Variants in ZDBF2 observed in about 807,000 individuals in gnomAD.
The protein encoded by ZDBF2 is zinc finger DBF-type containing 2.
In ZDBF2, 6 loss-of-function variants were observed where a neutral mutation model predicts 9.4. The observed-to-expected ratio is 0.64, with a 90% CI of 0.35 to 1.27. The LOEUF (loss-of-function observed/expected upper bound fraction) is 1.27. Ranked by LOEUF, ZDBF2 falls within the 50% of genes most tolerant of loss-of-function variation. ZDBF2 has a pLI of 0.03. For missense variants in ZDBF2, 2,697 were observed against 2,766.8 expected, an observed-to-expected ratio of 0.97 and a Z score of 0.57; for synonymous variants, 905 against 946.3, an observed-to-expected ratio of 0.96 and a Z score of 0.80.
intron 4 of ZDBF2, among the ~76,000 whole-genome samples, chr2:206,297,963 G>T (rs1692286615): frequency 6.6e-6 from 1 of 152,162 alleles, no homozygotes; most frequent in Non-Finnish European, 1.5e-5. Flanking sequence ...TTACAGGCGT[G>T]AGCTACCACA....
chr2:206,297,442 C>T, intron 4 of ZDBF2, 69 bp downstream of exon 4: 1 of 1,307,646 alleles, frequency 7.6e-7, no homozygotes, highest in Non-Finnish European at 1.0e-6. Context: ...TGTTCATGTC[C>T]CAATCAATAC....
chr2:206,304,375 T>C (rs899594752), intron 4 of ZDBF2, among the ~76,000 whole-genome samples: 12 of 152,236 alleles, frequency 7.9e-5, no homozygotes, highest in Non-Finnish European at 1.5e-4. Flanking sequence ...ATTCCCTTTT[T>C]TTGGAGGCAG....
rs1690883358 is a variant in ZDBF2 at position 206,274,737 on chromosome 2, T to TCCTGAGAGACGCGCTCCCGCGC, written c.-310_-289dup. The TCCTGAGAGACGCGCTCCCGCGC allele has an allele frequency of 6.6e-6, 1 of 152,104 alleles. No homozygotes were observed. The highest frequency in any genetic ancestry group is 6.5e-5 in the Admixed American group (1 of 15,286). 9.4% of individuals were successfully genotyped at this position (152,104 alleles called of 1,614,324 possible). A position where few individuals can be genotyped will look rare whatever the true frequency, so the allele number is the denominator to read the frequency against. ...GTGGAGTCGCGACTCGGGGCCCGCG[T>TCCTGAGAGACGCGCTCCCGCGC]CCTGAGAGACGCGCTCCCGCGCCGC... is the stretch of plus-strand genomic sequence containing the variant. On this transcript the variant is annotated 5_prime_UTR_variant, in exon 1 of 5. Transcript: ENST00000374423.
At chr2:206,302,789 G>A (rs918231834) in intron 4 of ZDBF2, among the ~76,000 whole-genome samples, 3 of 152,118 alleles carry the variant, frequency 2.0e-5, no homozygotes, top group African/African-American at 7.2e-5. Context: ...ATATGGGATA[G>A]TAATACTTAG....
In ZDBF2 at chr2:206,311,595, A is replaced by G; in HGVS notation, c.*2A>G. On this transcript the variant is annotated 3_prime_UTR_variant, in exon 5 of 5. Coordinates refer to ENST00000374423, the MANE Select transcript of ZDBF2 (RefSeq NM_020923.3). ...CTGAGAGGTAATGAGGTAAAATAGA[A>G]GTTGGTTTTGTGTTCAGGCTAGTTG... 2 of 1,484,546 alleles carry G rather than the reference A, an allele frequency of 1.3e-6. No individual in the cohort carries two copies. The highest frequency in any genetic ancestry group is 1.8e-6 in the Non-Finnish European group (2 of 1,117,724). The allele number at this position is 1,484,546 out of a possible 1,614,324, so 92.0% of individuals were successfully genotyped here. A position where few individuals can be genotyped will look rare whatever the true frequency, so the allele number is the denominator to read the frequency against.
At position 206,297,377 on chromosome 2, in the gene ZDBF2, A is replaced by C. The variant is rs1474089478; in HGVS notation, c.188+4A>C. On this transcript the variant is annotated splice_donor_region_variant and intron_variant, in intron 4 of 4. Transcript: ENST00000374423. ...CATATCATTGTCAAGAGAGCAGGTAAAGTAGTTGATTGGAATAATATTTAT... is the reference window on the plus strand; with the variant it reads ...CATATCATTGTCAAGAGAGCAGGTACAGTAGTTGATTGGAATAATATTTAT... 4 of 1,610,864 alleles carry C rather than the reference A, an allele frequency of 2.5e-6. No homozygotes were observed. Among genetic ancestry groups the C allele is most frequent in the Non-Finnish European group, 3.4e-6 (4 of 1,178,770 alleles).
At chr2:206,276,347 CG>C (rs1033023863) in intron 1 of ZDBF2, among the ~76,000 whole-genome samples, 11 of 152,036 alleles carry the variant, frequency 7.2e-5, no homozygotes, top group African/African-American at 2.4e-4. Flanking sequence ...CGTGTGTGCT[CG>C]GTTGTAATTA....
At position 206,310,217 on chromosome 2, in the gene ZDBF2, G is replaced by A; in HGVS notation, c.5689G>A (p.Asp1897Asn). The change falls in exon 5 of 5, where the codon GAT becomes AAT. Residue 1897 changes from aspartate (D) to asparagine (N), a missense_variant. By Grantham distance (23) the Asp-to-Asn change is conservative. Coordinates refer to ENST00000374423, the MANE Select transcript of ZDBF2 (RefSeq NM_020923.3). ...TAPTQAVSESDDIVCGISDID... is the reference protein window; with the variant it reads ...TAPTQAVSESNDIVCGISDID... ...ACCAACTCAAGCTGTGTCAGAGAGT[G>A]ATGATATTGTCTGTGGTATTTCAGA... 6.2e-7 allele frequency: 1 copy of A among 1,613,940 alleles called. No homozygotes were observed. The highest frequency in any genetic ancestry group is 8.5e-7 in the Non-Finnish European group (1 of 1,179,880).
At position 206,311,496 on chromosome 2, in the gene ZDBF2, T is replaced by A. The variant is rs771185873; in HGVS notation, c.6968T>A (p.Val2323Glu). 58 of 1,601,690 alleles carry A rather than the reference T, an allele frequency of 3.6e-5. No individual in the cohort carries two copies. In the Middle Eastern group the frequency reaches 6.7e-4, roughly 18 times the overall value. The change falls in exon 5 of 5, where the codon GTG becomes GAG. Residue 2323 changes from valine to glutamate, a missense_variant. By Grantham distance (121) the Val-to-Glu change is moderately radical. Coordinates refer to ENST00000374423, the MANE Select transcript of ZDBF2 (RefSeq NM_020923.3). ...HGRQKGPSTP[V>E]RAYDLRSSSC... ...CGACAGAAAGGTCCTTCTACACCTG[T>A]GAGAGCATATGATCTGAGAAGCTCA...
At position 206,308,869 on chromosome 2, in the gene ZDBF2, T is replaced by C; in HGVS notation, c.4341T>C (p.Cys1447=). The C allele has an allele frequency of 6.2e-7, 1 of 1,613,116 alleles. No homozygotes were observed. The highest frequency in any genetic ancestry group is 8.5e-7 in the Non-Finnish European group (1 of 1,179,596). ...ATAATGATCTAGAAAATAAGAACTG[T>C]GAAGTCTGTGGTTCTGAAATAAAAT... is the stretch of plus-strand genomic sequence containing the variant. ...KDHNDLENKN[C]EVCGSEIKCH... Residue 1447 remains cysteine, a synonymous_variant, in exon 5 of 5, where the codon TGT becomes TGC. Transcript: ENST00000374423.
In ZDBF2 at chr2:206,309,080, A is replaced by T; in HGVS notation, c.4552A>T (p.Lys1518Ter). 6.2e-7 allele frequency: 1 copy of T among 1,613,938 alleles called. No homozygotes were observed. The highest frequency in any genetic ancestry group is 8.5e-7 in the Non-Finnish European group (1 of 1,179,872). Reference sequence around the variant, plus strand: ...AGTTAACCAATTTCCAGGATCAGTCAAAGAAACCCACCTTCCAAAGGTGGT... The same window carrying T: ...AGTTAACCAATTTCCAGGATCAGTCTAAGAAACCCACCTTCCAAAGGTGGT... The part of the protein sequence containing the change: ...IVVNQFPGSV[K>*]ETHLPKVVLV... The change falls in exon 5 of 5, where the codon AAA becomes TAA. Residue 1518 changes from lysine to a stop codon, truncating the protein, a stop_gained. Transcript: ENST00000374423. LOFTEE classifies it low-confidence loss of function (END_TRUNC).
At chr2:206,285,359 T>C (rs1691547146) in intron 3 of ZDBF2, among the ~76,000 whole-genome samples, 1 of 152,188 alleles carries the variant, frequency 6.6e-6, no homozygotes, top group Admixed American at 6.5e-5. Flanking sequence ...TGAGATGATA[T>C]CTCATTGTGG....
Position 206,309,812 on chromosome 2 carries a change from C to T in ZDBF2, c.5284C>T (p.Gln1762Ter). ...CAPPLPSDTD[Q>*]PQETVKKRHP... ...TCCCCCTCTTCCATCTGATACTGAT[C>T]AGCCTCAAGAAACTGTTAAGAAAAG... is the stretch of plus-strand genomic sequence containing the variant. The change falls in exon 5 of 5, where the codon CAG (glutamine) becomes TAG (stop). Residue 1762 changes from glutamine (Q) to a stop codon, truncating the protein, a stop_gained. Transcript: ENST00000374423. LOFTEE classifies it low-confidence loss of function (END_TRUNC). 6.2e-7 allele frequency: 1 copy of T among 1,613,802 alleles called. No individual in the cohort carries two copies. Among genetic ancestry groups the T allele is most frequent in the Non-Finnish European group, 8.5e-7 (1 of 1,179,850 alleles).
chr2:206,301,814 A>G (rs1166760999), intron 4 of ZDBF2, among the ~76,000 whole-genome samples: 2 of 151,400 alleles, frequency 1.3e-5, no homozygotes, highest in Non-Finnish European at 2.9e-5. Context: ...CTACCTTTTT[A>G]TGGGGGCAAT....
intron 4 of ZDBF2, among the ~76,000 whole-genome samples, chr2:206,301,023 A>T (rs1024562025): frequency 5.3e-5 from 8 of 152,198 alleles, no homozygotes; most frequent in Non-Finnish European, 1.2e-4. Context: ...CACTGGGATT[A>T]TCAGCTTCTT....
chr2:206,285,758 G>A (rs760892252), intron 3 of ZDBF2, among the ~76,000 whole-genome samples: 6 of 152,054 alleles, frequency 3.9e-5, no homozygotes, highest in Non-Finnish European at 8.8e-5. Flanking sequence ...CTGTGTTTTC[G>A]TCTAGTAGTG....
In ZDBF2 at chr2:206,306,378, G is replaced by A. The variant is rs78386861; in HGVS notation, c.1850G>A (p.Arg617His). 6,045 of 1,613,734 alleles carry A rather than the reference G, an allele frequency of 3.7e-3. 122 individuals are homozygous for A. The Admixed American group carries it at 0.04, about 11-fold the overall frequency. The change falls in exon 5 of 5, where the codon CGT becomes CAT. Residue 617 changes from arginine to histidine, a missense_variant. Coordinates refer to ENST00000374423, the MANE Select transcript of ZDBF2 (RefSeq NM_020923.3). The stretch of plus-strand genomic sequence containing the variant: ...CAAGTCCACCTAAAACATAAGAAGC[G>A]TAAACCCAGTAGTGCTAAAGCACAT... ...GRQVHLKHKKRKPSSAKAHLD... is the reference protein window; with the variant it reads ...GRQVHLKHKKHKPSSAKAHLD...
In ZDBF2 at chr2:206,313,888, C is replaced by T. The variant is rs927242760; in HGVS notation, c.*2295C>T. ...TTTGAAATGTTTTGTTTACTAAGTT[C>T]TTGTAATCATTATTTTAGACAAGCT... On this transcript the variant is annotated 3_prime_UTR_variant, in exon 5 of 5. Coordinates refer to ENST00000374423, the MANE Select transcript of ZDBF2 (RefSeq NM_020923.3). The T allele has an allele frequency of 5.9e-5, 9 of 151,986 alleles. No homozygotes were observed. The highest frequency in any genetic ancestry group is 1.5e-5 in the Non-Finnish European group (1 of 67,950). The allele number at this position is 151,986 out of a possible 1,614,324, so 9.4% of individuals were successfully genotyped here. A position where few individuals can be genotyped will look rare whatever the true frequency, so the allele number is the denominator to read the frequency against.
intron 3 of ZDBF2, among the ~76,000 whole-genome samples, chr2:206,294,366 A>G (rs779657640): frequency 6.6e-6 from 1 of 152,230 alleles, no homozygotes; most frequent in Non-Finnish European, 1.5e-5. Flanking sequence ...TTATACATCA[A>G]TTCAAAAAAT....
Sources: allele counts gnomAD v4.1 joint callset (sites outside exome capture counted in the v4.1 genomes callset), GRCh38; gene constraint gnomAD v4.1.1; transcripts MANE v1.5; gene names NCBI Gene and HGNC (gene_info 2026-07-23, HGNC 2026-07-21).